Variants in CDH13 observed in about 807,000 individuals in gnomAD.
The protein encoded by CDH13 is cadherin-13.
Under a neutral mutation model 63.8 loss-of-function variants are expected in CDH13, and 24 were observed. The observed-to-expected ratio is 0.38, with a 90% CI of 0.27 to 0.53. The LOEUF is 0.53. Ranked by LOEUF, CDH13 falls within the 20% of genes least tolerant of loss-of-function variation. The pLI is 0.85. For synonymous variants in CDH13, 503 were observed against 355.3 expected (o/e 1.42, Z -4.67); for missense variants, 1,049 against 903.1 (o/e 1.16, Z -2.07).
At chr16:83,548,687 GT>G in intron 7 of CDH13, among the ~76,000 whole-genome samples, 1 of 152,174 alleles carries the variant, frequency 6.6e-6, no homozygotes, top group East Asian at 1.9e-4. Context: ...GAGATGGCTT[GT>G]TTTCTTCCTA....
At chr16:83,593,353 C>T (rs1257040531) in intron 7 of CDH13, among the ~76,000 whole-genome samples, 1 of 152,152 alleles carries the variant, frequency 6.6e-6, no homozygotes, top group Admixed American at 6.5e-5. Flanking sequence ...CCTAGAGCAG[C>T]ATGTGTGTGC....
At position 83,297,456 on chromosome 16, in the gene CDH13, C is replaced by T. The variant is rs147157703; in HGVS notation, c.637-47406C>T. 3.9e-3 allele frequency among the ~76,000 whole-genome samples: 596 copies of T among 152,248 alleles called. 4 individuals are homozygous for T. Among genetic ancestry groups the T allele is most frequent in the African/African-American group, 0.01 (435 of 41,554 alleles). ...GAAGGTGTGAATAAGGGCAGAAAGA[C>T]TGAGTGGGACGCAAGTGAATGTAAC... On this transcript the variant is annotated intron_variant, in intron 5 of 13. Transcript: ENST00000567109.
chr16:83,103,218 A>G (rs2034587829), intron 3 of CDH13, among the ~76,000 whole-genome samples: 1 of 136,636 alleles, frequency 7.3e-6, no homozygotes, highest in African/African-American at 2.8e-5. Context: ...CTCCCAAAGT[A>G]CTGAGATTAC....
chr16:82,975,552 C>G (rs1417006174), intron 2 of CDH13, among the ~76,000 whole-genome samples: 1 of 152,228 alleles, frequency 6.6e-6, no homozygotes, highest in African/African-American at 2.4e-5. Flanking sequence ...TGCAAAGCCC[C>G]TAATACAGTG....
chr16:82,942,218 A>C (rs531686414), intron 2 of CDH13, among the ~76,000 whole-genome samples: 1 of 152,226 alleles, frequency 6.6e-6, no homozygotes, highest in Non-Finnish European at 1.5e-5. Context: ...GTATGGTGTG[A>C]GGTAGAGGTC....
At chr16:83,349,978 A>G (rs1292667427) in intron 6 of CDH13, among the ~76,000 whole-genome samples, 1 of 152,146 alleles carries the variant, frequency 6.6e-6, no homozygotes, top group Non-Finnish European at 1.5e-5. Context: ...AGGAAATGAC[A>G]TTAAACACAT....
chr16:83,500,895 A>G (rs8063276), intron 7 of CDH13, among the ~76,000 whole-genome samples: 20,001 of 151,946 alleles, frequency 0.13, 1,619 homozygotes, highest in South Asian at 0.25. Context: ...ACTGGTTTCT[A>G]TATGAGCCAG....
intron 2 of CDH13, among the ~76,000 whole-genome samples, chr16:82,862,122 C>T (rs967471313): frequency 6.6e-6 from 1 of 152,210 alleles, no homozygotes; most frequent in Non-Finnish European, 1.5e-5. Flanking sequence ...GCACCCATAT[C>T]TCCCTCAAAT....
chr16:82,809,177 ATC>A (rs761187088), intron 1 of CDH13, among the ~76,000 whole-genome samples: 1 of 152,276 alleles, frequency 6.6e-6, no homozygotes, highest in Admixed American at 6.5e-5. Flanking sequence ...GAATGAAAAT[ATC>A]TGTTTCCTCA....
chr16:83,215,646 GGTGGTGGA>G (rs2039477125), intron 4 of CDH13, among the ~76,000 whole-genome samples: 2 of 151,838 alleles, frequency 1.3e-5, no homozygotes, highest in Admixed American at 1.3e-4. Context: ...GGGGTGGTGG[GGTGGTGGA>G]GCAGGGGGCG....
At position 83,646,712 on chromosome 16, in the gene CDH13, A is replaced by AAAAAACACACACAC. The variant is rs1168012793; in HGVS notation, c.1102-24077_1102-24076insAAAACACACACACA. On this transcript the variant is annotated intron_variant, in intron 8 of 13. Coordinates refer to ENST00000567109, the MANE Select transcript of CDH13 (RefSeq NM_001257.5). ...CGTCTCAAAAAAAAAAAAAAAAAAA[A>AAAAAACACACACAC]ACACACACACACACACACACACACA... Among the ~76,000 whole-genome samples the AAAAAACACACACAC allele has an allele frequency of 6.7e-4, 54 of 80,494 alleles. 2 individuals carry two copies. The highest frequency in any genetic ancestry group is 2.1e-3 in the African/African-American group (46 of 22,146). 52.8% of individuals were successfully genotyped at this position (80,494 alleles called of 152,430 possible). A position where few individuals can be genotyped will look rare whatever the true frequency, so the allele number is the denominator to read the frequency against.
chr16:83,735,816 G>C (rs1911488905), intron 10 of CDH13: 2 of 152,222 alleles, frequency 1.3e-5, no homozygotes, highest in Admixed American at 1.3e-4. Context: ...CTGCAAGAGA[G>C]AATTATAGGC....
intron 2 of CDH13, among the ~76,000 whole-genome samples, chr16:82,870,217 C>G (rs1289979928): frequency 2.6e-5 from 4 of 152,052 alleles, no homozygotes; most frequent in Admixed American, 1.3e-4. Flanking sequence ...GAAAAAATGT[C>G]CAACCTCACT....
rs1022409122 is a variant in CDH13 at position 83,047,210 on chromosome 16, C to T, written c.366+14992C>T. 2.6e-5 allele frequency among the ~76,000 whole-genome samples: 4 copies of T among 152,054 alleles called. No homozygotes were observed. The highest frequency in any genetic ancestry group is 7.2e-5 in the African/African-American group (3 of 41,392). ...CTTTATCTGAAGACCACCTCCTGCCCCTCACTCTTACTCCAGAGGCCTGTG... is the reference window on the plus strand; with the variant it reads ...CTTTATCTGAAGACCACCTCCTGCCTCTCACTCTTACTCCAGAGGCCTGTG... On this transcript the variant is annotated intron_variant, in intron 3 of 13. Coordinates refer to ENST00000567109, the MANE Select transcript of CDH13 (RefSeq NM_001257.5). This position sits in a 1 kb window ranked among gnomAD's most constrained non-coding sequence, Gnocchi z 4.9.
chr16:83,000,574 C>CTTTTTTTTT lies in CDH13; in HGVS notation c.158-31428_158-31420dup, dbSNP rs561787532. Among the ~76,000 whole-genome samples the CTTTTTTTTT allele has an allele frequency of 5.5e-5, 7 of 127,740 alleles. 1 individual carries two copies. The highest frequency in any genetic ancestry group is 8.2e-5 in the Non-Finnish European group (5 of 61,252). The allele number at this position is 127,740 out of a possible 152,430, so 83.8% of individuals were successfully genotyped here. On this transcript the variant is annotated intron_variant, in intron 2 of 13. Transcript: ENST00000567109. ...CAAGGTTGTCTCTTTTTTCTTTTCT[C>CTTTTTTTTT]TTTTTTTTTTTTTTTTGTTTTGTTT...
intron 7 of CDH13, among the ~76,000 whole-genome samples, chr16:83,536,471 G>A (rs2075191407): frequency 6.6e-6 from 1 of 152,128 alleles, no homozygotes; most frequent in African/African-American, 2.4e-5. Context: ...AGAAAAGGGT[G>A]AGCAAAGGTC....
chr16:83,682,261 A>C (rs1915469155), intron 10 of CDH13, among the ~76,000 whole-genome samples: 1 of 152,146 alleles, frequency 6.6e-6, no homozygotes, highest in Admixed American at 6.6e-5. Context: ...GACCCACACC[A>C]GGGAGGCTCC....
Position 82,873,928 on chromosome 16 carries a change from C to G in CDH13, c.157+15455C>G, listed in dbSNP as rs72790104. Among the ~76,000 whole-genome samples the G allele has an allele frequency of 3.2e-3, 486 of 152,270 alleles. 1 individual carries two copies. Among genetic ancestry groups the G allele is most frequent in the Non-Finnish European group, 4.9e-3 (336 of 68,022 alleles). ...ACTTGTTCTCCCCCACCCCTGACCA[C>G]TTCTCACTCATGCTTGGTCTCTTTG... On this transcript the variant is annotated intron_variant, in intron 2 of 13. Coordinates refer to ENST00000567109, the MANE Select transcript of CDH13 (RefSeq NM_001257.5).
At chr16:83,227,788 G>A (rs762160717) in intron 5 of CDH13, among the ~76,000 whole-genome samples, 4 of 152,092 alleles carry the variant, frequency 2.6e-5, no homozygotes, top group African/African-American at 4.8e-5. Flanking sequence ...GTGCAGACTC[G>A]GCAGCTCCAT....
Sources: allele counts gnomAD v4.1 joint callset (sites outside exome capture counted in the v4.1 genomes callset), GRCh38; gene constraint gnomAD v4.1.1; non-coding constraint Gnocchi (gnomAD v3.1); transcripts MANE v1.5; gene names NCBI Gene and HGNC (gene_info 2026-07-23, HGNC 2026-07-21).